The following PTK2 variants were observed in gnomAD, a reference collection of about 807,000 sequenced individuals.
PTK2 encodes the protein focal adhesion kinase 1.
PTK2 carries 45 observed loss-of-function variants against 150.1 expected under a neutral mutation model. The observed-to-expected ratio is 0.30, with a 90% CI of 0.24 to 0.38. The LOEUF is 0.38. PTK2 is among the 10% of genes least tolerant of loss of function. The pLI, the probability that PTK2 is intolerant of heterozygous loss-of-function variation, is 1.00. For missense variants in PTK2, 919 were observed against 1,307.3 expected, an observed-to-expected ratio of 0.70 and a Z score of 4.58; for synonymous variants, 432 against 449.2, an observed-to-expected ratio of 0.96 and a Z score of 0.48.
intron 16 of PTK2, among the ~76,000 whole-genome samples, chr8:140,759,551 A>AAG (rs1554920189): frequency 3.1e-4 from 46 of 150,560 alleles, no homozygotes; most frequent in East Asian, 2.3e-3. Context: ...AAAAAAAAAA[A>AAG]AAAGAAAGAA....
intron 22 of PTK2, among the ~76,000 whole-genome samples, chr8:140,726,898 C>T (rs1455927423): frequency 1.3e-5 from 2 of 152,158 alleles, no homozygotes; most frequent in African/African-American, 4.8e-5. Context: ...GGGTTAATGG[C>T]ATATGTGAAT....
rs140619499 is a variant in PTK2, at chr8:140,812,964, C to T, written c.867+5313G>A. Among the ~76,000 whole-genome samples, 8 of 152,164 alleles carry T rather than the reference C, an allele frequency of 5.3e-5. No homozygotes were observed. The East Asian group carries it at 5.8e-4, about 11-fold the overall frequency. On this transcript the variant is annotated intron_variant, in intron 10 of 31. Transcript: ENST00000522684. ...CTTTAACACCCCACTGACAATATTA[C>T]GTAGATCACTGAGATGGAAATTAAC...
chr8:140,939,267 G>A (rs1569248194), intron 1 of PTK2, among the ~76,000 whole-genome samples: 1 of 152,080 alleles, frequency 6.6e-6, no homozygotes, highest in Non-Finnish European at 1.5e-5. Flanking sequence ...ATTTTTAAAT[G>A]TTTACTAGTT....
intron 26 of PTK2, among the ~76,000 whole-genome samples, chr8:140,697,927 T>C (rs1394951946): frequency 1.5e-5 from 2 of 136,402 alleles, no homozygotes; most frequent in Non-Finnish European, 3.1e-5. Context: ...ACTCCTAGAC[T>C]TAAGCGATCT....
intron 5 of PTK2, among the ~76,000 whole-genome samples, chr8:140,850,865 T>C (rs2100128880): frequency 1.3e-5 from 2 of 152,256 alleles, no homozygotes; most frequent in Admixed American, 1.3e-4. Context: ...ATAAAAACTG[T>C]TCACATTTTG....
intron 26 of PTK2, among the ~76,000 whole-genome samples, chr8:140,697,705 C>G (rs1252489440): frequency 6.6e-6 from 1 of 152,006 alleles, no homozygotes; most frequent in Non-Finnish European, 1.5e-5. Flanking sequence ...TGTGCCCAGC[C>G]AGAACAGTCT....
intron 8 of PTK2, among the ~76,000 whole-genome samples, chr8:140,824,438 T>C (rs866016168): frequency 3.3e-5 from 5 of 152,182 alleles, no homozygotes; most frequent in Middle Eastern, 3.2e-3. Flanking sequence ...AACGATATCA[T>C]TCAGAGTTAG....
At chr8:140,954,841 T>C (rs2100180696) in intron 1 of PTK2, 1 of 151,932 alleles carries the variant, frequency 6.6e-6, no homozygotes, top group African/African-American at 2.4e-5. Flanking sequence ...AGAGAGAACC[T>C]GAAAGACTAT....
At chr8:140,850,101 A>T (rs1188343462) in intron 5 of PTK2, among the ~76,000 whole-genome samples, 1 of 151,946 alleles carries the variant, frequency 6.6e-6, no homozygotes, top group Admixed American at 6.6e-5. Context: ...ATCCTTCCAA[A>T]AAAAAAGACT....
chr8:140,838,653 T>C (rs2100120279), intron 7 of PTK2, among the ~76,000 whole-genome samples: 3 of 152,160 alleles, frequency 2.0e-5, no homozygotes, highest in African/African-American at 4.8e-5. Flanking sequence ...AGAACAAGGG[T>C]GAAATTTTTT....
At chr8:140,841,966 T>C (rs1176712943) in intron 7 of PTK2, among the ~76,000 whole-genome samples, 3 of 151,654 alleles carry the variant, frequency 2.0e-5, no homozygotes, top group Non-Finnish European at 4.4e-5. Context: ...TAAATGTATG[T>C]AGCATTATAT....
chr8:140,897,800 T>C (rs1460410772), intron 2 of PTK2, among the ~76,000 whole-genome samples: 1 of 152,214 alleles, frequency 6.6e-6, no homozygotes, highest in Non-Finnish European at 1.5e-5. Context: ...GGGCTGCCAA[T>C]TCTTTGTGTG....
At chr8:140,816,920 C>T (rs748373330) in intron 10 of PTK2, among the ~76,000 whole-genome samples, 2 of 152,126 alleles carry the variant, frequency 1.3e-5, no homozygotes, top group Non-Finnish European at 2.9e-5. Context: ...CTATTTGAAA[C>T]GAACCCTGCA....
chr8:140,962,443 A>C (rs10089966), intron 1 of PTK2, among the ~76,000 whole-genome samples: 63,399 of 151,968 alleles, frequency 0.42, 15,141 homozygotes, highest in Non-Finnish European at 0.55. Context: ...CTCTATCAGT[A>C]TACTATGCCT....
intron 16 of PTK2, among the ~76,000 whole-genome samples, chr8:140,756,197 C>T (rs2100065578): frequency 2.0e-5 from 3 of 151,918 alleles, no homozygotes; most frequent in Admixed American, 6.6e-5. Flanking sequence ...ATGGTGTGTG[C>T]CTGTAATCCC....
intron 14 of PTK2, 182 bp from the exon 15 acceptor site, chr8:140,770,981 C>A: frequency 5.0e-6 from 1 of 201,878 alleles, no homozygotes; most frequent in Non-Finnish European, 1.0e-5. Flanking sequence ...AAAAAACATA[C>A]TAATATTTTT....
chr8:140,727,780 G>A (rs2100046812), intron 22 of PTK2, among the ~76,000 whole-genome samples: 1 of 152,062 alleles, frequency 6.6e-6, no homozygotes, highest in Non-Finnish European at 1.5e-5. Context: ...TTGGTATTTT[G>A]ATAACAAGTA....
intron 26 of PTK2, among the ~76,000 whole-genome samples, chr8:140,693,188 G>C (rs894094587): frequency 6.6e-6 from 1 of 152,154 alleles, no homozygotes; most frequent in Non-Finnish European, 1.5e-5. Flanking sequence ...CACTTTGTAG[G>C]ACAGCTTTCA....
At chr8:140,774,620 G>C (rs2100077381) in intron 14 of PTK2, among the ~76,000 whole-genome samples, 1 of 152,146 alleles carries the variant, frequency 6.6e-6, no homozygotes. Flanking sequence ...GTTCCCAAGA[G>C]GTCAGGAATT....
Sources: allele counts gnomAD v4.1 joint callset (sites outside exome capture counted in the v4.1 genomes callset), GRCh38; gene constraint gnomAD v4.1.1; transcripts MANE v1.5; gene names NCBI Gene and HGNC (gene_info 2026-07-23, HGNC 2026-07-21).